Variants in SEC24D observed in about 807,000 individuals in gnomAD.
SEC24D encodes the protein protein transport protein Sec24D.
In SEC24D, 69 loss-of-function variants were observed where a neutral mutation model predicts 116.9. The ratio of observed to expected loss-of-function variants is 0.59; its 90% CI spans 0.49 to 0.72. SEC24D has a LOEUF of 0.72. Among genes scored for constraint, SEC24D ranks in the 30% least tolerant of loss-of-function variants. The pLI, the probability that SEC24D is intolerant of heterozygous loss-of-function variation, is 0.00. For synonymous variants in SEC24D, 405 were observed against 442.8 expected, an observed-to-expected ratio of 0.91 and a Z score of 1.07; for missense variants, 1,131 against 1,264.1, an observed-to-expected ratio of 0.89 and a Z score of 1.60.
intron 19 of SEC24D, among the ~76,000 whole-genome samples, chr4:118,735,153 A>G (rs1725892499): frequency 6.6e-6 from 1 of 152,240 alleles, no homozygotes; most frequent in Non-Finnish European, 1.5e-5. Flanking sequence ...ATTGGGACTA[A>G]AAAGTCTAAT....
At chr4:118,747,971 A>G (rs1726623433) in intron 13 of SEC24D, among the ~76,000 whole-genome samples, 1 of 152,228 alleles carries the variant, frequency 6.6e-6, no homozygotes, top group African/African-American at 2.4e-5. Context: ...TCTTGTTAAT[A>G]TTACCTATAG....
chr4:118,730,927 A>G (rs1560602468), intron 21 of SEC24D: 1 of 251,864 alleles, frequency 4.0e-6, no homozygotes, highest in South Asian at 4.6e-5. Context: ...CATCTCTGCC[A>G]CTTTACTACC....
chr4:118,728,509 TAATGA>T, intron 22 of SEC24D, 47 bp downstream of exon 22: 1 of 1,135,440 alleles, frequency 8.8e-7, no homozygotes, highest in Admixed American at 2.0e-5. Context: ...GTTAAGTCTT[TAATGA>T]AATTTTTAAC....
At chr4:118,725,919 C>T (rs1725388121) in intron 22 of SEC24D, among the ~76,000 whole-genome samples, 1 of 152,136 alleles carries the variant, frequency 6.6e-6, no homozygotes. Context: ...GGAAAGCATA[C>T]TGGTATGGAT....
chr4:118,795,552 C>A (rs553829284), intron 8 of SEC24D, among the ~76,000 whole-genome samples: 1 of 152,134 alleles, frequency 6.6e-6, no homozygotes, highest in South Asian at 2.1e-4. Flanking sequence ...TATGCTCATA[C>A]AATGAATTGC....
At chr4:118,804,608 T>C (rs1367455125) in intron 7 of SEC24D, among the ~76,000 whole-genome samples, 48 of 152,086 alleles carry the variant, frequency 3.2e-4, no homozygotes, top group Non-Finnish European at 3.4e-4. Context: ...AACAATTTCA[T>C]ATACCTCAAC....
chr4:118,752,026 AG>A lies in SEC24D; in HGVS notation c.1676del (p.Pro559LeufsTer10). 8.1e-6 allele frequency: 13 copies of A among 1,613,238 alleles called. No homozygotes were observed. The highest frequency in any genetic ancestry group is 1.1e-5 in the Non-Finnish European group (13 of 1,179,424). On this transcript the variant is annotated frameshift_variant, in exon 13 of 23. Transcript: ENST00000280551. LOFTEE classifies it high-confidence loss of function. ...DSNENETVFA[P>X]VIQAGMEALK... ...GTGCTTCCATGCCAGCCTGGATGAC[AG>A]GAGCAAAGACAGTCTCATTTTCATT...
chr4:118,778,069 T>C (rs541122553), intron 8 of SEC24D, among the ~76,000 whole-genome samples: 158 of 152,336 alleles, frequency 1.0e-3, no homozygotes, highest in Non-Finnish European at 9.4e-4. Context: ...CTGTTCACTC[T>C]GATGGTAGTT....
chr4:118,740,766 T>G lies in SEC24D; in HGVS notation c.2135A>C (p.Asn712Thr), dbSNP rs146773641. The G allele has an allele frequency of 5.5e-4, 885 of 1,613,932 alleles. 6 individuals carry two copies. The highest frequency in any genetic ancestry group is 1.5e-3 in the Admixed American group (92 of 59,990). ...GGCAGCCATTTCTACATCGGTGGTG[T>G]TGTTCATCAAGATTCCACCAAAGAA... ...TDFFGGILMN[N>T]TTDVEMAAID... The change falls in exon 17 of 23, where the codon AAC becomes ACC. Residue 712 changes from asparagine (N) to threonine (T), a missense_variant. Coordinates refer to ENST00000280551, the MANE Select transcript of SEC24D (RefSeq NM_014822.4).
intron 11 of SEC24D, among the ~76,000 whole-genome samples, chr4:118,753,511 G>A (rs1338133982): frequency 1.3e-5 from 2 of 151,860 alleles, no homozygotes; most frequent in African/African-American, 2.4e-5. Flanking sequence ...CATTTATGAT[G>A]GTCATGGCAA....
intron 7 of SEC24D, among the ~76,000 whole-genome samples, chr4:118,799,142 A>C (rs901777416): frequency 6.6e-6 from 1 of 152,202 alleles, no homozygotes; most frequent in African/African-American, 2.4e-5. Context: ...CAGGAGTAGA[A>C]GTGTTGAGAT....
intron 6 of SEC24D, among the ~76,000 whole-genome samples, chr4:118,806,301 C>A (rs928936529): frequency 6.6e-6 from 1 of 152,028 alleles, no homozygotes; most frequent in African/African-American, 2.4e-5. Context: ...TTTATTAGAA[C>A]ATAGGTAAGC....
chr4:118,743,007 C>T (rs28524137), intron 15 of SEC24D, among the ~76,000 whole-genome samples: 4,742 of 152,050 alleles, frequency 0.031, 136 homozygotes, highest in African/African-American at 0.07. Flanking sequence ...TGTGCCGGGG[C>T]GCATAAGTTT....
At chr4:118,820,661 C>T (rs936008512) in intron 3 of SEC24D, among the ~76,000 whole-genome samples, 24 of 146,884 alleles carry the variant, frequency 1.6e-4, no homozygotes, top group African/African-American at 5.8e-4. Context: ...GGAGTGATCC[C>T]TTTTTTTTTT....
At chr4:118,776,536 G>C (rs955635070) in intron 8 of SEC24D, among the ~76,000 whole-genome samples, 15 of 152,324 alleles carry the variant, frequency 9.8e-5, no homozygotes, top group Admixed American at 3.3e-4. Flanking sequence ...GGTAGGTAAT[G>C]ATTCTTAAGC....
At chr4:118,791,056 A>T (rs1000351442) in intron 8 of SEC24D, among the ~76,000 whole-genome samples, 6 of 152,182 alleles carry the variant, frequency 3.9e-5, no homozygotes, top group Admixed American at 1.3e-4. Flanking sequence ...GAGATTATAA[A>T]TATCTAAAAT....
At chr4:118,741,814 G>A (rs540288752) in intron 15 of SEC24D, among the ~76,000 whole-genome samples, 6 of 152,304 alleles carry the variant, frequency 3.9e-5, no homozygotes, top group African/African-American at 1.4e-4. Context: ...ACATACAACT[G>A]GGTGGTGCCT....
intron 8 of SEC24D, among the ~76,000 whole-genome samples, chr4:118,776,560 T>C (rs986947162): frequency 1.3e-5 from 2 of 152,158 alleles, no homozygotes; most frequent in Non-Finnish European, 2.9e-5. Context: ...AAATGGTCTG[T>C]TTGGATTGGG....
intron 19 of SEC24D, among the ~76,000 whole-genome samples, chr4:118,735,426 T>C (rs894167827): frequency 2.6e-5 from 4 of 152,194 alleles, no homozygotes; most frequent in African/African-American, 9.6e-5. Flanking sequence ...GTGGGAGCAG[T>C]AATTCATATA....
Sources: gnomAD v4.1 joint callset for allele counts (sites outside exome capture counted in the v4.1 genomes callset) on GRCh38, gnomAD v4.1.1 for gene constraint, MANE v1.5 for transcripts, NCBI Gene and HGNC (gene_info 2026-07-23, HGNC 2026-07-21) for gene names.